Variants in DLGAP2 observed in about 807,000 individuals in gnomAD.
DLGAP2 encodes DLG associated protein 2, also known as disks large-associated protein 2.
In DLGAP2, 26 loss-of-function variants were observed where a neutral mutation model predicts 100.3. The observed-to-expected ratio is 0.26, with a 90% CI of 0.19 to 0.36. The LOEUF (loss-of-function observed/expected upper bound fraction) is 0.36. DLGAP2 is among the 10% of genes least tolerant of loss of function. The pLI, the probability that DLGAP2 is intolerant of heterozygous loss-of-function variation, is 1.00. For synonymous variants in DLGAP2, 886 were observed against 630.1 expected (o/e 1.41, Z -6.08); for missense variants, 1,858 against 1,453.2 (o/e 1.28, Z -4.53).
At chr8:1,100,521 T>TGTGTGTGTGC (rs890168143) in intron 2 of DLGAP2, among the ~76,000 whole-genome samples, 1 of 152,180 alleles carries the variant, frequency 6.6e-6, no homozygotes, top group Admixed American at 6.5e-5. Flanking sequence ...TGTGTGTGTG[T>TGTGTGTGTGC]GTGCGTGCAC....
At chr8:895,735 G>A (rs1798134268) in intron 1 of DLGAP2, among the ~76,000 whole-genome samples, 1 of 152,190 alleles carries the variant, frequency 6.6e-6, no homozygotes, top group African/African-American at 2.4e-5. Flanking sequence ...CAGGCTGCGG[G>A]AGGATGGTTG....
At chr8:916,788 G>A (rs978150396) in intron 2 of DLGAP2, among the ~76,000 whole-genome samples, 4 of 152,242 alleles carry the variant, frequency 2.6e-5, no homozygotes, top group Admixed American at 1.3e-4. Context: ...TTGGGCAGTG[G>A]AAGTGAAAAT....
intron 6 of DLGAP2, among the ~76,000 whole-genome samples, chr8:1,618,308 G>A (rs1046048070): frequency 1.4e-4 from 21 of 152,198 alleles, no homozygotes; most frequent in African/African-American, 4.8e-4. Flanking sequence ...TTGCATTTCT[G>A]TAGACCCATA....
At chr8:1,572,393 A>G (rs1802759868) in intron 6 of DLGAP2, among the ~76,000 whole-genome samples, 4 of 68,678 alleles carry the variant, frequency 5.8e-5, no homozygotes, top group African/African-American at 1.8e-4. Flanking sequence ...GATGAGATGG[A>G]GAGGAGAGAG....
At chr8:944,596 G>A (rs930924769) in intron 2 of DLGAP2, among the ~76,000 whole-genome samples, 2 of 152,076 alleles carry the variant, frequency 1.3e-5, no homozygotes, top group Admixed American at 1.3e-4. Context: ...TGACTCAGTG[G>A]GTGGTAGCTG....
chr8:1,462,969 C>T (rs1798502442), intron 3 of DLGAP2, among the ~76,000 whole-genome samples: 1 of 152,208 alleles, frequency 6.6e-6, no homozygotes, highest in Non-Finnish European at 1.5e-5. Context: ...TTCAAGTGGG[C>T]CAGGCGTAGT....
At chr8:1,320,145 C>T (rs549294407) in intron 3 of DLGAP2, among the ~76,000 whole-genome samples, 2 of 152,052 alleles carry the variant, frequency 1.3e-5, no homozygotes, top group Non-Finnish European at 2.9e-5. Context: ...CTGAAGGGGA[C>T]GGCCTGTGTT....
At chr8:1,657,670 A>C (rs1323844357) in intron 8 of DLGAP2, among the ~76,000 whole-genome samples, 1 of 152,258 alleles carries the variant, frequency 6.6e-6, no homozygotes, top group African/African-American at 2.4e-5. Context: ...TTAATGAATG[A>C]ATGGATGCAG....
chr8:1,483,443 A>T (rs1799154100), intron 3 of DLGAP2, among the ~76,000 whole-genome samples: 1 of 148,810 alleles, frequency 6.7e-6, no homozygotes, highest in Non-Finnish European at 1.5e-5. Flanking sequence ...GCTGTGTAAG[A>T]GGCTCAGGGA....
intron 1 of DLGAP2, among the ~76,000 whole-genome samples, chr8:744,435 G>A (rs1312367038): frequency 2.0e-5 from 3 of 152,306 alleles, no homozygotes; most frequent in South Asian, 2.1e-4. Flanking sequence ...AGGGGCTGAC[G>A]CCTCCTCGAG....
intron 1 of DLGAP2, among the ~76,000 whole-genome samples, chr8:834,228 G>C (rs1049571091): frequency 1.3e-5 from 2 of 152,230 alleles, no homozygotes; most frequent in African/African-American, 2.4e-5. Flanking sequence ...GTAGAGCAGT[G>C]CTGGCTTTTG....
chr8:1,430,007 C>CATATATATATATATATAT (rs60682299), intron 3 of DLGAP2, among the ~76,000 whole-genome samples: 9 of 54,368 alleles, frequency 1.7e-4, no homozygotes, highest in East Asian at 5.2e-4. Context: ...CATATATATA[C>CATATATATATATATATAT]ATATATATAT....
intron 3 of DLGAP2, among the ~76,000 whole-genome samples, chr8:1,303,250 A>G (rs1166138863): frequency 6.6e-6 from 1 of 152,020 alleles, no homozygotes; most frequent in Non-Finnish European, 1.5e-5. Context: ...ACAAAAAACT[A>G]GCCGGGCGTG....
rs1320069972 is a variant in DLGAP2 at position 1,702,936 on chromosome 8, G to A, written c.*1530G>A. On this transcript the variant is annotated 3_prime_UTR_variant, in exon 15 of 15. Transcript: ENST00000637795. ...CTTAGCCACAGGCAGAATAGCTTTC[G>A]ATGACCCCATAGCACTTTGTTTCTT... is the stretch of plus-strand genomic sequence containing the variant. 6.6e-6 allele frequency: 1 copy of A among 152,630 alleles called. No individual in the cohort carries two copies. Among genetic ancestry groups the A allele is most frequent in the African/African-American group, 2.4e-5 (1 of 41,438 alleles). The allele number at this position is 152,630 out of a possible 1,614,324, so 9.5% of individuals were successfully genotyped here.
At chr8:1,449,574 C>T (rs542935407) in intron 3 of DLGAP2, among the ~76,000 whole-genome samples, 9 of 152,248 alleles carry the variant, frequency 5.9e-5, no homozygotes, top group Non-Finnish European at 1.0e-4. Flanking sequence ...ACCCAGACCC[C>T]GTTCCTGAGC....
At chr8:771,904 T>C (rs866545774) in intron 1 of DLGAP2, among the ~76,000 whole-genome samples, 2 of 152,168 alleles carry the variant, frequency 1.3e-5, no homozygotes, top group South Asian at 2.1e-4. Flanking sequence ...TGCAATTTTA[T>C]TTCATTTTAT....
At chr8:761,984 A>G (rs1212813727) in intron 1 of DLGAP2, among the ~76,000 whole-genome samples, 1 of 152,186 alleles carries the variant, frequency 6.6e-6, no homozygotes, top group Non-Finnish European at 1.5e-5. Context: ...CCGAGGAGGA[A>G]CTGATGAACC....
At chr8:1,667,571 A>G (rs1302106191) in intron 8 of DLGAP2, among the ~76,000 whole-genome samples, 1 of 152,214 alleles carries the variant, frequency 6.6e-6, no homozygotes, top group Non-Finnish European at 1.5e-5. Flanking sequence ...CAGAAACAGT[A>G]GCTATTCGTT....
chr8:997,385 C>CT (rs912665713), intron 2 of DLGAP2, among the ~76,000 whole-genome samples: 2 of 152,212 alleles, frequency 1.3e-5, no homozygotes, highest in African/African-American at 2.4e-5. Context: ...TTTAGATTAT[C>CT]TTTTTTTAAA....
Sources: gnomAD v4.1 joint callset for allele counts (sites outside exome capture counted in the v4.1 genomes callset) on GRCh38, gnomAD v4.1.1 for gene constraint, MANE v1.5 for transcripts, NCBI Gene and HGNC (gene_info 2026-07-23, HGNC 2026-07-21) for gene names.